SAR1B: variants seen among roughly 807,000 people sequenced by gnomAD.
SAR1B encodes the protein small COPII coat GTPase SAR1B.
Under a neutral mutation model 26.8 loss-of-function variants are expected in SAR1B, and 23 were observed. The ratio of observed to expected loss-of-function variants is 0.86; its 90% CI spans 0.62 to 1.22. SAR1B has a LOEUF of 1.22. Ranked by LOEUF, SAR1B falls within the 50% of genes most tolerant of loss-of-function variation. The pLI is 0.00. For synonymous variants in SAR1B, 65 were observed against 80.8 expected (o/e 0.80, Z 1.05); for missense variants, 196 against 232.8 (o/e 0.84, Z 1.03).
chr5:134,615,866 G>A (rs151183208), intron 3 of SAR1B, among the ~76,000 whole-genome samples: 1 of 151,906 alleles, frequency 6.6e-6, no homozygotes, highest in African/African-American at 2.4e-5. Flanking sequence ...GCCAGGTGCA[G>A]TGGCTCATGC....
At chr5:134,623,317 G>C (rs1459090847) in intron 2 of SAR1B, among the ~76,000 whole-genome samples, 1 of 151,674 alleles carries the variant, frequency 6.6e-6, no homozygotes, top group Non-Finnish European at 1.5e-5. Flanking sequence ...GCACACACCT[G>C]TAGTACCAGC....
chr5:134,601,342 T>A lies in SAR1B; in HGVS notation c.*5608A>T, dbSNP rs753152639. 6.6e-6 allele frequency: 1 copy of A among 152,158 alleles called. No individual in the cohort carries two copies. Among genetic ancestry groups the A allele is most frequent in the African/African-American group, 2.4e-5 (1 of 41,428 alleles). The allele number at this position is 152,158 out of a possible 1,614,324, so 9.4% of individuals were successfully genotyped here. A position where few individuals can be genotyped will look rare whatever the true frequency, so the allele number is the denominator to read the frequency against. ...TCTTTATATAAATTATCCTTAATAA[T>A]CTGTATACACTGTAAAACAATTGAA... On this transcript the variant is annotated 3_prime_UTR_variant, in exon 7 of 7. Coordinates refer to ENST00000402673, the MANE Select transcript of SAR1B (RefSeq NM_016103.4).
intron 2 of SAR1B, among the ~76,000 whole-genome samples, chr5:134,621,311 A>AAAGG (rs914277754): frequency 6.6e-6 from 1 of 152,120 alleles, no homozygotes; most frequent in Non-Finnish European, 1.5e-5. Flanking sequence ...CTCTACTGAA[A>AAAGG]ATACAAAAAT....
In SAR1B at chr5:134,606,462, G is replaced by A. The variant is rs1197878133; in HGVS notation, c.*488C>T. On this transcript the variant is annotated 3_prime_UTR_variant, in exon 7 of 7. Transcript: ENST00000402673. Reference sequence around the variant, plus strand: ...ATTAGAGTTTGTTTTATTGCATGACGTTTGCATAAGAAAAAAAGTTATTGA... The same window carrying A: ...ATTAGAGTTTGTTTTATTGCATGACATTTGCATAAGAAAAAAAGTTATTGA... The A allele has an allele frequency of 3.0e-5, 5 of 169,010 alleles. No homozygotes were observed. The highest frequency in any genetic ancestry group is 1.6e-4 in the East Asian group (1 of 6,318). The allele number at this position is 169,010 out of a possible 1,614,324, so 10.5% of individuals were successfully genotyped here.
At chr5:134,630,479 G>C (rs1169942647) in intron 1 of SAR1B, among the ~76,000 whole-genome samples, 1 of 118,000 alleles carries the variant, frequency 8.5e-6, no homozygotes, top group African/African-American at 3.2e-5. Context: ...AAAAAAAAAA[G>C]TAAGTGTAGA....
chr5:134,629,176 C>T (rs1432964021), intron 1 of SAR1B, among the ~76,000 whole-genome samples: 1 of 151,494 alleles, frequency 6.6e-6, no homozygotes, highest in Non-Finnish European at 1.5e-5. Context: ...AATCCCAGCA[C>T]TTTGGGAGGC....
chr5:134,630,573 G>T (rs1299059436), intron 1 of SAR1B, among the ~76,000 whole-genome samples: 4 of 150,562 alleles, frequency 2.7e-5, no homozygotes, highest in Admixed American at 1.3e-4. Flanking sequence ...ACTTGAGTTC[G>T]GGAGTTCAAG....
chr5:134,610,590 A>G (rs1205423988), intron 4 of SAR1B, among the ~76,000 whole-genome samples: 2 of 149,430 alleles, frequency 1.3e-5, no homozygotes, highest in Non-Finnish European at 3.0e-5. Context: ...AAAAAAAAAA[A>G]AAATTAGAAA....
At position 134,626,298 on chromosome 5, in the gene SAR1B, CAAAAAAAAAA is replaced by C. The variant is rs35668627; in HGVS notation, c.-18-2271_-18-2262del. ...TGGGCCACAGAGCAAGACTCTGCCT[CAAAAAAAAAA>C]AAAAAAAAAAAAAAAAAAAAAATGT... On this transcript the variant is annotated intron_variant, in intron 1 of 6. Coordinates refer to ENST00000402673, the MANE Select transcript of SAR1B (RefSeq NM_016103.4). Among the ~76,000 whole-genome samples the C allele has an allele frequency of 6.0e-4, 32 of 53,126 alleles. 1 individual carries two copies. The highest frequency in any genetic ancestry group is 1.0e-3 in the African/African-American group (17 of 16,316). 34.9% of individuals were successfully genotyped at this position (53,126 alleles called of 152,430 possible).
intron 3 of SAR1B, among the ~76,000 whole-genome samples, chr5:134,618,616 CT>C (rs1765351520): frequency 6.6e-6 from 1 of 152,220 alleles, no homozygotes. Context: ...AATTAGGTTT[CT>C]GTTTCTAATA....
At chr5:134,630,673 C>T (rs1320516983) in intron 1 of SAR1B, among the ~76,000 whole-genome samples, 2 of 149,562 alleles carry the variant, frequency 1.3e-5, no homozygotes, top group Admixed American at 6.7e-5. Context: ...ATCCTAGCTA[C>T]TTGAGAGGCT....
chr5:134,630,194 G>T (rs1765576994), intron 1 of SAR1B, among the ~76,000 whole-genome samples: 2 of 151,784 alleles, frequency 1.3e-5, no homozygotes, highest in African/African-American at 2.4e-5. Flanking sequence ...GGTGGCTCAC[G>T]CCTGTAATCC....
intron 3 of SAR1B, 156 bp from the exon 4 acceptor site, chr5:134,612,912 G>T (rs1285229073): frequency 1.2e-5 from 8 of 648,098 alleles, no homozygotes; most frequent in Non-Finnish European, 2.1e-5. Context: ...AAAGACCCGT[G>T]CTAACATTCT....
rs756614192 is a variant in SAR1B, at chr5:134,607,067, C to A, written c.481-1G>T. 1 of 1,570,372 alleles carries A rather than the reference C, an allele frequency of 6.4e-7. No homozygotes were observed. Among genetic ancestry groups the A allele is most frequent in the East Asian group, 2.2e-5 (1 of 44,698 alleles). ...TCAGTTCTTTCAGAGATATACTCCC[C>A]TAGAATAGAAGAGAGACATTTCGTT... On this transcript the variant is annotated splice_acceptor_variant, in intron 6 of 6. Transcript: ENST00000402673. LOFTEE classifies it high-confidence loss of function.
chr5:134,628,805 C>T (rs1234903447), intron 1 of SAR1B, among the ~76,000 whole-genome samples: 1 of 152,050 alleles, frequency 6.6e-6, no homozygotes, highest in African/African-American at 2.4e-5. Flanking sequence ...AGGCACCCAC[C>T]ACCAAGCCCA....
chr5:134,614,028 T>G (rs1441011926), intron 3 of SAR1B: 1 of 152,196 alleles, frequency 6.6e-6, no homozygotes, highest in Non-Finnish European at 1.5e-5. Flanking sequence ...CATTTCAGGC[T>G]GGGCATGGTA....
At chr5:134,610,327 A>G (rs1765192637) in intron 4 of SAR1B, among the ~76,000 whole-genome samples, 1 of 151,950 alleles carries the variant, frequency 6.6e-6, no homozygotes, top group Non-Finnish European at 1.5e-5. Flanking sequence ...AAATTAGCCA[A>G]GCCGGACACA....
rs1194416647 is a variant in SAR1B, at chr5:134,605,226, C to T, written c.*1724G>A. On this transcript the variant is annotated 3_prime_UTR_variant, in exon 7 of 7. Coordinates refer to ENST00000402673, the MANE Select transcript of SAR1B (RefSeq NM_016103.4). ...GTAACTCTGACATGGACAATGGCTA[C>T]AGAAAACACTAATTTTTGATATTAA... 1 of 152,038 alleles carries T rather than the reference C, an allele frequency of 6.6e-6. No individual in the cohort carries two copies. The highest frequency in any genetic ancestry group is 1.5e-5 in the Non-Finnish European group (1 of 68,014). 9.4% of individuals were successfully genotyped at this position (152,038 alleles called of 1,614,324 possible). A position where few individuals can be genotyped will look rare whatever the true frequency, so the allele number is the denominator to read the frequency against.
At chr5:134,610,701 T>G (rs1442990673) in intron 4 of SAR1B, among the ~76,000 whole-genome samples, 1 of 151,228 alleles carries the variant, frequency 6.6e-6, no homozygotes, top group Non-Finnish European at 1.5e-5. Context: ...GCCACTGCAC[T>G]CCAGCCTGGG....
Sources: gnomAD v4.1 joint callset for allele counts (sites outside exome capture counted in the v4.1 genomes callset) on GRCh38, gnomAD v4.1.1 for gene constraint, MANE v1.5 for transcripts, NCBI Gene and HGNC (gene_info 2026-07-23, HGNC 2026-07-21) for gene names.